PKD1L3: variants seen among roughly 807,000 people sequenced by gnomAD.
PKD1L3 encodes polycystin-1-like protein 3.
PKD1L3 carries 239 observed loss-of-function variants against 184.1 expected under a neutral mutation model. The observed-to-expected ratio is 1.30, with a 90% CI of 1.17 to 1.45. The LOEUF (loss-of-function observed/expected upper bound fraction) is 1.45, where lower values mean the gene tolerates loss of function less well. Among genes scored for constraint, PKD1L3 ranks in the 40% most tolerant of loss-of-function variants. The pLI is 0.00. For missense variants in PKD1L3, 2,660 were observed against 2,067.2 expected (o/e 1.29, Z -5.56); for synonymous variants, 996 against 778.8 (o/e 1.28, Z -4.64).
chr16:71,949,058 C>G (rs965708011), intron 21 of PKD1L3, among the ~76,000 whole-genome samples: 3 of 151,918 alleles, frequency 2.0e-5, no homozygotes, highest in African/African-American at 4.8e-5. Context: ...TGATATTGTT[C>G]CCCCCAAATA....
intron 22 of PKD1L3, among the ~76,000 whole-genome samples, chr16:71,945,317 CACACATATATACACACACACACACAT>C (rs1239490442): frequency 4.3e-5 from 2 of 46,666 alleles, no homozygotes; most frequent in African/African-American, 7.4e-5. Flanking sequence ...CACACACACA[CACACATATATACACACACACACACAT>C]ATATTTATAT....
intron 2 of PKD1L3, among the ~76,000 whole-genome samples, chr16:71,995,161 G>A (rs79515913): frequency 0.029 from 4,376 of 152,200 alleles, 191 homozygotes; most frequent in African/African-American, 0.095. Flanking sequence ...GTTGGGGGAA[G>A]GCTGCAACCT....
intron 12 of PKD1L3, among the ~76,000 whole-genome samples, chr16:71,972,963 G>C (rs1312186656): frequency 1.3e-5 from 2 of 152,174 alleles, no homozygotes; most frequent in Non-Finnish European, 2.9e-5. Context: ...TGTATTTCTT[G>C]AGCTATGAAA....
intron 11 of PKD1L3, among the ~76,000 whole-genome samples, chr16:71,976,264 C>CTTTTTTTTTTTTT (rs71153688): frequency 0.13 from 10,883 of 80,988 alleles, 2,538 homozygotes; most frequent in East Asian, 0.27. Flanking sequence ...CCCAGCCTGT[C>CTTTTTTTTTTTTT]TTTTTTTTTT....
At chr16:71,985,279 C>T (rs1338314302) in intron 5 of PKD1L3, among the ~76,000 whole-genome samples, 1 of 152,050 alleles carries the variant, frequency 6.6e-6, no homozygotes, top group Non-Finnish European at 1.5e-5. Flanking sequence ...TTTCCATTAC[C>T]ATTGCAAGCA....
At chr16:71,955,187 G>C (rs1420443384) in intron 16 of PKD1L3, among the ~76,000 whole-genome samples, 1 of 152,128 alleles carries the variant, frequency 6.6e-6, no homozygotes, top group Non-Finnish European at 1.5e-5. Flanking sequence ...CTAGACTGGA[G>C]ATGTGAAGGG....
At chr16:71,995,746 A>C (rs568686636) in intron 2 of PKD1L3, among the ~76,000 whole-genome samples, 1 of 152,344 alleles carries the variant, frequency 6.6e-6, no homozygotes, top group African/African-American at 2.4e-5. Flanking sequence ...TTTGGGATAG[A>C]TTCCTAGCAG....
At chr16:71,979,966 A>C in intron 8 of PKD1L3, 41 bp downstream of exon 8, 1 of 1,549,936 alleles carries the variant, frequency 6.5e-7, no homozygotes, top group Non-Finnish European at 8.7e-7. Flanking sequence ...CTGAAAGTGA[A>C]AAACACAGTG....
At chr16:71,943,120 G>A (rs1160694307) in intron 23 of PKD1L3, 96 bp from the exon 24 acceptor site, 14 of 976,380 alleles carry the variant, frequency 1.4e-5, no homozygotes, top group Non-Finnish European at 1.9e-5. Context: ...GACTTATGCA[G>A]GTCAAAACCA....
intron 5 of PKD1L3, 25 bp downstream of exon 5, chr16:71,986,196 T>C: frequency 5.2e-6 from 8 of 1,549,970 alleles, no homozygotes; most frequent in African/African-American, 4.1e-5. Flanking sequence ...CAAAGCTACC[T>C]GTGACTTGAA....
Position 71,954,186 on chromosome 16 carries a change from TG to T in PKD1L3, c.2727del (p.Cys909Ter). ...ACCATGTTGCAGAGTAGCAGTGTCA[TG>T]CAGCAAGACAGCCGTTGGACCCTTG... Reference protein sequence around the residue: ...QFTRVQRLSCCMTLLLCNMVI... With the variant: ...QFTRVQRLSCXMTLLLCNMVI... On this transcript the variant is annotated frameshift_variant, in exon 17 of 30. Coordinates refer to ENST00000620267, the MANE Select transcript of PKD1L3 (RefSeq NM_181536.2). LOFTEE classifies it high-confidence loss of function. 1 of 1,551,866 alleles carries T rather than the reference TG, an allele frequency of 6.4e-7. No homozygotes were observed. The highest frequency in any genetic ancestry group is 8.7e-7 in the Non-Finnish European group (1 of 1,146,984).
intron 16 of PKD1L3, among the ~76,000 whole-genome samples, chr16:71,961,637 C>T (rs549151836): frequency 3.3e-5 from 5 of 151,864 alleles, no homozygotes; most frequent in Non-Finnish European, 5.9e-5. Flanking sequence ...ACCTTGTGAG[C>T]GAATCATTTT....
chr16:71,953,963 C>T (rs1209827704), intron 17 of PKD1L3, 142 bp downstream of exon 17: 4 of 635,104 alleles, frequency 6.3e-6, no homozygotes, highest in Non-Finnish European at 7.4e-6. Context: ...TGCCTGTAAT[C>T]CTAGCACTTC....
Position 71,963,336 on chromosome 16 carries a change from T to C in PKD1L3, c.2481A>G (p.Val827=), listed in dbSNP as rs2039357148. ...GVSPSWYVSQ[V]IVCDMAVKRK... is the part of the protein sequence containing the mutation. ...TCTTAACTGCCATGTCACAGACAAT[T>C]ACCTGGCTGACATACCTATAGTAAA... The change falls in exon 16 of 30, where the codon GTA becomes GTG. Residue 827 remains valine, a synonymous_variant. Transcript: ENST00000620267. The C allele has an allele frequency of 1.3e-6, 2 of 1,549,984 alleles. No homozygotes were observed. Among genetic ancestry groups the C allele is most frequent in the South Asian group, 2.4e-5 (2 of 83,640 alleles).
chr16:71,937,189 G>A (rs1349696632), intron 25 of PKD1L3, 103 bp downstream of exon 25: 8 of 1,199,114 alleles, frequency 6.7e-6, no homozygotes, highest in African/African-American at 4.6e-5. Context: ...CCGAGTAGCT[G>A]GGACCACAGG....
chr16:71,938,769 T>A (rs949020305), intron 24 of PKD1L3, among the ~76,000 whole-genome samples: 6 of 152,222 alleles, frequency 3.9e-5, no homozygotes, highest in African/African-American at 1.4e-4. Context: ...TGCCTGTGGA[T>A]AGGAGCTACC....
At chr16:71,956,385 AGTTTC>A (rs1324749916) in intron 16 of PKD1L3, among the ~76,000 whole-genome samples, 2 of 151,268 alleles carry the variant, frequency 1.3e-5, no homozygotes, top group African/African-American at 4.9e-5. Flanking sequence ...GTAGAGATGG[AGTTTC>A]ACCATGTTGG....
At chr16:71,974,014 AAAT>A (rs200082474) in intron 11 of PKD1L3, among the ~76,000 whole-genome samples, 4 of 32,688 alleles carry the variant, frequency 1.2e-4, no homozygotes, top group Admixed American at 4.8e-4. Flanking sequence ...AAAAAAAAAA[AAAT>A]ATATATATTC....
At position 71,929,672 on chromosome 16, in the gene PKD1L3, CTTCT is replaced by C. The variant is rs778156244; in HGVS notation, c.5061_5064del (p.Glu1688LeufsTer3). 14 of 1,544,690 alleles carry C rather than the reference CTTCT, an allele frequency of 9.1e-6. No homozygotes were observed. Among genetic ancestry groups the C allele is most frequent in the South Asian group, 7.3e-5 (6 of 82,220 alleles). Reference sequence around the variant, plus strand: ...TGTAGCAGTGTATCTATTAGTGCAGCTTCTTTCTGAGTATTGAAGACAAAAAGAG... The same window carrying C: ...TGTAGCAGTGTATCTATTAGTGCAGCTTCTGAGTATTGAAGACAAAAAGAG... On this transcript the variant is annotated frameshift_variant and splice_region_variant, in exon 30 of 30. Coordinates refer to ENST00000620267, the MANE Select transcript of PKD1L3 (RefSeq NM_181536.2). LOFTEE classifies it low-confidence loss of function (END_TRUNC).
Sources: gnomAD v4.1 joint callset for allele counts (sites outside exome capture counted in the v4.1 genomes callset) on GRCh38, gnomAD v4.1.1 for gene constraint, MANE v1.5 for transcripts, NCBI Gene and HGNC (gene_info 2026-07-23, HGNC 2026-07-21) for gene names.